VWA8: variants seen among roughly 807,000 people sequenced by gnomAD.
The protein encoded by VWA8 is von Willebrand factor A domain containing 8.
A neutral mutation model predicts 241.5 loss-of-function variants in VWA8; 221 were observed. The ratio of observed to expected loss-of-function variants is 0.91; its 90% CI spans 0.82 to 1.02. VWA8 has a LOEUF of 1.02. Among genes scored for constraint, VWA8 ranks in the 50% least tolerant of loss-of-function variants. The probability of loss-of-function intolerance (pLI) is 0.00; values close to 1 mark genes in which losing one functional copy is unlikely to be tolerated. For missense variants in VWA8, 2,322 were observed against 2,328.7 expected (o/e 1.00, Z 0.06); for synonymous variants, 852 against 827.1 (o/e 1.03, Z -0.52).
At chr13:41,794,240 T>G (rs1869587613) in intron 17 of VWA8, among the ~76,000 whole-genome samples, 1 of 152,212 alleles carries the variant, frequency 6.6e-6, no homozygotes. Flanking sequence ...TATGGTCATT[T>G]TCATACTAAT....
At position 41,865,918 on chromosome 13, in the gene VWA8, C is replaced by T. The variant is rs146325541; in HGVS notation, c.1331G>A (p.Cys444Tyr). 10 of 1,614,184 alleles carry T rather than the reference C, an allele frequency of 6.2e-6. No individual in the cohort carries two copies. The highest frequency in any genetic ancestry group is 7.6e-6 in the Non-Finnish European group (9 of 1,180,028). ...CATTCTTACCTTTCCTCCAATTAAACATATATCTTTAACCATGTGAGACTG... is the reference window on the plus strand; with the variant it reads ...CATTCTTACCTTTCCTCCAATTAAATATATATCTTTAACCATGTGAGACTG... ...MMQSHMVKDI[C>Y]LIGGKGCGKT... is the part of the protein sequence containing the mutation. Residue 444 changes from cysteine (C) to tyrosine (Y), a missense_variant, in exon 11 of 45, where the codon TGT becomes TAT. By Grantham distance (194) the Cys-to-Tyr change is radical (BLOSUM62 -2). Transcript: ENST00000379310.
chr13:41,719,708 C>T lies in VWA8; in HGVS notation c.2999G>A (p.Arg1000Gln), dbSNP rs202176681. The change falls in exon 26 of 45, where the codon CGA becomes CAA. Residue 1000 changes from arginine to glutamine, a missense_variant. Arg to Gln is a conservative substitution (Grantham distance 43). Coordinates refer to ENST00000379310, the MANE Select transcript of VWA8 (RefSeq NM_015058.2). ...GTAGGAATCAAAGTCAAACACATTTCGAACTACACTGGAGAGACCTTCAGT... is the reference window on the plus strand; with the variant it reads ...GTAGGAATCAAAGTCAAACACATTTTGAACTACACTGGAGAGACCTTCAGT... ...FPTEGLSSVV[R>Q]NVFDFDSYNN... is the part of the protein sequence containing the mutation. 6.5e-5 allele frequency: 104 copies of T among 1,612,364 alleles called. No homozygotes were observed. Among genetic ancestry groups the T allele is most frequent in the South Asian group, 3.1e-4 (28 of 91,000 alleles).
At chr13:41,863,775 T>C (rs915628120) in intron 12 of VWA8, among the ~76,000 whole-genome samples, 2 of 151,880 alleles carry the variant, frequency 1.3e-5, no homozygotes, top group Non-Finnish European at 2.9e-5. Flanking sequence ...TGAGTACACA[T>C]GGACATAAAG....
At chr13:41,787,824 A>G (rs1292920084) in intron 17 of VWA8, among the ~76,000 whole-genome samples, 1 of 152,156 alleles carries the variant, frequency 6.6e-6, no homozygotes, top group African/African-American at 2.4e-5. Context: ...GCAAAATAAA[A>G]TTTAAAATTT....
chr13:41,926,032 A>G (rs973297136), intron 2 of VWA8: 2 of 430,378 alleles, frequency 4.6e-6, no homozygotes, highest in Non-Finnish European at 8.8e-6. Flanking sequence ...ATCTTCTATG[A>G]CCTTCAAGGA....
intron 2 of VWA8, among the ~76,000 whole-genome samples, chr13:41,923,913 T>C (rs1371873116): frequency 1.3e-5 from 2 of 152,134 alleles, no homozygotes; most frequent in African/African-American, 4.8e-5. Flanking sequence ...AAAGCCACTC[T>C]GTAAAGTTTG....
chr13:41,587,192 G>A (rs781671832), intron 42 of VWA8, among the ~76,000 whole-genome samples: 6 of 152,156 alleles, frequency 3.9e-5, no homozygotes, highest in Admixed American at 6.5e-5. Flanking sequence ...GCTAGTGATG[G>A]GGCAAGAGTG....
At chr13:41,808,982 G>C (rs1870347678) in intron 17 of VWA8, among the ~76,000 whole-genome samples, 1 of 151,476 alleles carries the variant, frequency 6.6e-6, no homozygotes. Flanking sequence ...ATGTGAAAAA[G>C]AAATAAAAAA....
In VWA8 at chr13:41,615,003, C is replaced by A; in HGVS notation, c.4693G>T (p.Gly1565Cys). Reference sequence around the variant, plus strand: ...GTTCCGCCAGCCCAAGTGTTGCCGCCCACGTGAGGCATGTTGTCTGGGTCC... The same window carrying A: ...GTTCCGCCAGCCCAAGTGTTGCCGCACACGTGAGGCATGTTGTCTGGGTCC... The part of the protein sequence containing the change: ...KEDPDNMPHV[G>C]GNTWAGGTGG... The change falls in exon 38 of 45, where the codon GGC becomes TGC. Residue 1565 changes from glycine to cysteine, a missense_variant. Coordinates refer to ENST00000379310, the MANE Select transcript of VWA8 (RefSeq NM_015058.2). 1 of 1,613,626 alleles carries A rather than the reference C, an allele frequency of 6.2e-7. No homozygotes were observed. Among genetic ancestry groups the A allele is most frequent in the Non-Finnish European group, 8.5e-7 (1 of 1,179,954 alleles).
chr13:41,600,666 A>G (rs2044515528), intron 40 of VWA8, among the ~76,000 whole-genome samples: 1 of 152,056 alleles, frequency 6.6e-6, no homozygotes, highest in South Asian at 2.1e-4. Flanking sequence ...CGTGCTTGAT[A>G]TTTTTACATA....
intron 37 of VWA8, among the ~76,000 whole-genome samples, chr13:41,660,761 C>T (rs1278818405): frequency 1.3e-5 from 2 of 152,184 alleles, no homozygotes; most frequent in Non-Finnish European, 2.9e-5. Context: ...GATCCTGCTG[C>T]CTTGCTCACT....
At chr13:41,608,906 G>A (rs569239168) in intron 39 of VWA8, among the ~76,000 whole-genome samples, 2 of 152,180 alleles carry the variant, frequency 1.3e-5, no homozygotes, top group African/African-American at 2.4e-5. Flanking sequence ...TCAAAATGCT[G>A]TGTTGATGAT....
At chr13:41,635,043 C>T (rs1218689674) in intron 37 of VWA8, among the ~76,000 whole-genome samples, 1 of 152,082 alleles carries the variant, frequency 6.6e-6, no homozygotes, top group East Asian at 1.9e-4. Context: ...TCTTAGTTTT[C>T]TTCACCTAAA....
chr13:41,575,037 T>A (rs144609111), intron 43 of VWA8, among the ~76,000 whole-genome samples: 3,180 of 151,712 alleles, frequency 0.021, 52 homozygotes, highest in South Asian at 0.052. Context: ...AACCAATGAG[T>A]GATAAAGAAA....
intron 21 of VWA8, among the ~76,000 whole-genome samples, chr13:41,755,276 A>G (rs2137897848): frequency 6.6e-6 from 1 of 152,102 alleles, no homozygotes; most frequent in Non-Finnish European, 1.5e-5. Flanking sequence ...AGCATTTGCT[A>G]TTGACTGACT....
At chr13:41,802,338 G>T (rs4942079) in intron 17 of VWA8, among the ~76,000 whole-genome samples, 109,935 of 152,162 alleles carry the variant, frequency 0.72, 40,766 homozygotes, top group East Asian at 0.89. Flanking sequence ...TTCATCCCAG[G>T]GGTCAGAACC....
At chr13:41,912,733 A>C (rs1160269402) in intron 2 of VWA8, among the ~76,000 whole-genome samples, 1 of 152,230 alleles carries the variant, frequency 6.6e-6, no homozygotes, top group Non-Finnish European at 1.5e-5. Flanking sequence ...CTACTTCTTT[A>C]GAATTAACTA....
intron 12 of VWA8, among the ~76,000 whole-genome samples, chr13:41,848,346 G>T (rs971489786): frequency 3.3e-5 from 5 of 152,166 alleles, no homozygotes; most frequent in Admixed American, 2.6e-4. Context: ...ATAGAAAAAG[G>T]CTTGCTAAGA....
chr13:41,816,238 T>C (rs914534505), intron 16 of VWA8, among the ~76,000 whole-genome samples: 1 of 152,238 alleles, frequency 6.6e-6, no homozygotes. Flanking sequence ...CCGTTCCCAT[T>C]TTACAGATGA....
Sources: gnomAD v4.1 joint callset for allele counts (sites outside exome capture counted in the v4.1 genomes callset) on GRCh38, gnomAD v4.1.1 for gene constraint, MANE v1.5 for transcripts, NCBI Gene and HGNC (gene_info 2026-07-23, HGNC 2026-07-21) for gene names.